Variants in PCDHGB5 observed in about 807,000 individuals in gnomAD.
PCDHGB5 encodes protocadherin gamma subfamily B, 5.
A neutral mutation model predicts 62.9 loss-of-function variants in PCDHGB5; 48 were observed. The ratio of observed to expected loss-of-function variants is 0.76; its 90% CI spans 0.61 to 0.97. The LOEUF is 0.97. Among genes scored for constraint, PCDHGB5 ranks in the 50% least tolerant of loss-of-function variants. The probability of loss-of-function intolerance (pLI) is 0.00; values close to 1 mark genes in which losing one functional copy is unlikely to be tolerated. For missense variants in PCDHGB5, 1,118 were observed against 1,198.6 expected (o/e 0.93, Z 0.99); for synonymous variants, 474 against 511.2 (o/e 0.93, Z 0.98).
At chr5:141,455,837 AT>A (rs2098833014) in intron 1 of PCDHGB5, among the ~76,000 whole-genome samples, 2 of 151,422 alleles carry the variant, frequency 1.3e-5, no homozygotes, top group African/African-American at 4.8e-5. Context: ...TTTCCTGTCT[AT>A]CTGCATAAAA....
intron 1 of PCDHGB5, among the ~76,000 whole-genome samples, chr5:141,434,819 A>G (rs2097719619): frequency 6.6e-6 from 1 of 151,946 alleles, no homozygotes; most frequent in Admixed American, 6.6e-5. Flanking sequence ...TATATCCCTT[A>G]GTACACTTGG....
At position 141,487,763 on chromosome 5, in the gene PCDHGB5, G is replaced by A; in HGVS notation, c.2398-7044G>A. ...AAGAGGTAACTATGTGGTAGACGCT[G>A]TGCTTTGTAACTGTTTCGTGAATTA... On this transcript the variant is annotated intron_variant, in intron 1 of 3. Coordinates refer to ENST00000617380, the MANE Select transcript of PCDHGB5 (RefSeq NM_018925.3). This position sits in a 1 kb window ranked among gnomAD's most constrained non-coding sequence, Gnocchi z 5.0. 6.5e-7 allele frequency: 1 copy of A among 1,544,968 alleles called. No homozygotes were observed. The highest frequency in any genetic ancestry group is 1.2e-5 in the South Asian group (1 of 83,382).
intron 3 of PCDHGB5, among the ~76,000 whole-genome samples, chr5:141,506,861 G>A (rs2099856791): frequency 6.6e-6 from 1 of 152,178 alleles, no homozygotes; most frequent in African/African-American, 2.4e-5. Context: ...TGGAGGACTG[G>A]TGGGTAGAGA....
rs2099669219 is a variant in PCDHGB5, at chr5:141,487,927, C to T, written c.2398-6880C>T. 3 of 626,498 alleles carry T rather than the reference C, an allele frequency of 4.8e-6. No homozygotes were observed. Among genetic ancestry groups the T allele is most frequent in the Admixed American group, 5.9e-5 (2 of 34,100 alleles). The allele number at this position is 626,498 out of a possible 1,614,324, so 38.8% of individuals were successfully genotyped here. On this transcript the variant is annotated intron_variant, in intron 1 of 3. Coordinates refer to ENST00000617380, the MANE Select transcript of PCDHGB5 (RefSeq NM_018925.3). The surrounding 1 kb of genome is among the most constrained non-coding windows in gnomAD (Gnocchi z 5.0). ...TGGGAGCACAGGAGGCTACAGTGCA[C>T]AGGGTACAGTGCACCAGGCAGTCAC...
intron 1 of PCDHGB5, chr5:141,484,876 A>T (rs1461505847): frequency 6.3e-6 from 2 of 315,126 alleles, no homozygotes; most frequent in Admixed American, 9.4e-5. Flanking sequence ...CGTGGAGGAT[A>T]GGGTGGGCTT....
At chr5:141,502,082 G>A (rs538827992) in intron 2 of PCDHGB5, among the ~76,000 whole-genome samples, 1 of 152,252 alleles carries the variant, frequency 6.6e-6, no homozygotes, top group Non-Finnish European at 1.5e-5. Flanking sequence ...ACCTGGGGCT[G>A]AGAACACCTG....
chr5:141,427,109 C>A lies in PCDHGB5; in HGVS notation c.2397+26585C>A, dbSNP rs141512367. On this transcript the variant is annotated intron_variant, in intron 1 of 3. Coordinates refer to ENST00000617380, the MANE Select transcript of PCDHGB5 (RefSeq NM_018925.3). ...AGGATGAGGGTGTCAATGCGGAGAT[C>A]ACCTACTCTTTCAAATCCCTACGAG... 1,737 of 457,784 alleles carry A rather than the reference C, an allele frequency of 3.8e-3. 17 individuals carry two copies. Among genetic ancestry groups the A allele is most frequent in the Admixed American group, 0.01 (426 of 42,600 alleles). 28.4% of individuals were successfully genotyped at this position (457,784 alleles called of 1,614,324 possible). A position where few individuals can be genotyped will look rare whatever the true frequency, so the allele number is the denominator to read the frequency against.
Position 141,453,270 on chromosome 5 carries a change from T to C in PCDHGB5, c.2398-41537T>C, listed in dbSNP as rs1592250907. 4.6e-5 allele frequency among the ~76,000 whole-genome samples: 7 copies of C among 152,146 alleles called. No homozygotes were observed. In the South Asian group the frequency reaches 1.5e-3, roughly 32 times the overall value. On this transcript the variant is annotated intron_variant, in intron 1 of 3. Transcript: ENST00000617380. The stretch of plus-strand genomic sequence containing the variant: ...CTGGGGCTGCAAGTGCACACCACCA[T>C]GACTGGCTAATTTTTTAATTATTTA...
chr5:141,422,470 T>C, intron 1 of PCDHGB5: 1 of 1,613,440 alleles, frequency 6.2e-7, no homozygotes, highest in Non-Finnish European at 8.5e-7. Flanking sequence ...GGACAGGGAG[T>C]TGGTCCAGAG....
intron 1 of PCDHGB5, chr5:141,427,278 A>G (rs981860450): frequency 2.2e-6 from 1 of 456,706 alleles, no homozygotes; most frequent in Non-Finnish European, 4.4e-6. Context: ...ATGTAAAATT[A>G]TACTAGAAAT....
intron 1 of PCDHGB5, among the ~76,000 whole-genome samples, chr5:141,474,773 G>T (rs1290099424): frequency 6.6e-6 from 1 of 152,182 alleles, no homozygotes; most frequent in East Asian, 1.9e-4. Flanking sequence ...ATAGTATGAG[G>T]CTCTAACACT....
At chr5:141,419,204 GC>G (rs2096344015) in intron 1 of PCDHGB5, 9 of 1,613,916 alleles carry the variant, frequency 5.6e-6, no homozygotes, top group Non-Finnish European at 7.6e-6. Context: ...CAATGACAAC[GC>G]GCCGGTTTTC....
chr5:141,419,258 C>G lies in PCDHGB5; in HGVS notation c.2397+18734C>G, dbSNP rs761740232. The G allele has an allele frequency of 2.5e-6, 4 of 1,614,028 alleles. No individual in the cohort carries two copies. The Admixed American group carries it at 6.7e-5, about 27-fold the overall frequency. ...GGTCCACGTGCCAGAAAACAACCAG[C>G]CGGGTGCCTCCATAGCGCAAGTCAG... On this transcript the variant is annotated intron_variant, in intron 1 of 3. Transcript: ENST00000617380.
chr5:141,461,438 T>C (rs1034260263), intron 1 of PCDHGB5, among the ~76,000 whole-genome samples: 3 of 152,200 alleles, frequency 2.0e-5, no homozygotes, highest in African/African-American at 7.2e-5. Flanking sequence ...GTATACCTTC[T>C]TTTGAGAAAT....
In PCDHGB5 at chr5:141,511,074, C is replaced by G; in HGVS notation, c.2673C>G (p.Ser891Arg). 1.2e-6 allele frequency: 2 copies of G among 1,614,238 alleles called. No homozygotes were observed. The highest frequency in any genetic ancestry group is 1.7e-6 in the Non-Finnish European group (2 of 1,180,040). ...GCCAGAATGTCTACATCCCAGGCAGCAATGCCACACTGACCAACGCAGCTG... is the reference window on the plus strand; with the variant it reads ...GCCAGAATGTCTACATCCCAGGCAGGAATGCCACACTGACCAACGCAGCTG... The part of the protein sequence containing the change: ...DYRQNVYIPG[S>R]NATLTNAAGK... Residue 891 changes from serine (S) to arginine (R), a missense_variant, in exon 4 of 4, where the codon AGC becomes AGG. Around this residue, in one of 2 missense-constraint regions of PCDHGB5, gnomAD observed 1,034 missense variants for 1,029.1 expected, o/e 1.00. Coordinates refer to ENST00000617380, the MANE Select transcript of PCDHGB5 (RefSeq NM_018925.3).
chr5:141,489,793 C>G lies in PCDHGB5; in HGVS notation c.2398-5014C>G. On this transcript the variant is annotated intron_variant, in intron 1 of 3. Transcript: ENST00000617380. This position sits in a 1 kb window ranked among gnomAD's most constrained non-coding sequence, Gnocchi z 4.5. ...CCACTTCTCTCTGAATGTGAAGACC[C>G]TAAAAGATGGGAAGCCATTCCCAGA... 1 of 1,614,160 alleles carries G rather than the reference C, an allele frequency of 6.2e-7. No individual in the cohort carries two copies. The highest frequency in any genetic ancestry group is 1.1e-5 in the South Asian group (1 of 91,078).
At chr5:141,414,161 GA>G (rs1351073953) in intron 1 of PCDHGB5, 1 of 1,603,276 alleles carries the variant, frequency 6.2e-7, no homozygotes, top group Admixed American at 1.7e-5. Context: ...GAAGATGGAG[GA>G]GCATATCTTG....
Position 141,399,355 on chromosome 5 carries a change from C to A in PCDHGB5, c.1228C>A (p.Gln410Lys), listed in dbSNP as rs1437917208. The A allele has an allele frequency of 6.2e-7, 1 of 1,614,006 alleles. No homozygotes were observed. The highest frequency in any genetic ancestry group is 1.1e-5 in the South Asian group (1 of 91,082). ...LVTDGTLDRE[Q>K]TPEYNVTITA... is the part of the protein sequence containing the mutation. ...AACAGATGGAACCCTAGACCGAGAG[C>A]AAACCCCGGAGTACAATGTCACCAT... The change falls in exon 1 of 4, where the codon CAA becomes AAA. Residue 410 changes from glutamine (Q) to lysine (K), a missense_variant. Around this residue, in one of 2 missense-constraint regions of PCDHGB5, gnomAD observed 1,034 missense variants for 1,029.1 expected, o/e 1.00. Transcript: ENST00000617380.
At chr5:141,446,621 C>T (rs1284919173) in intron 1 of PCDHGB5, among the ~76,000 whole-genome samples, 2 of 152,094 alleles carry the variant, frequency 1.3e-5, no homozygotes, top group Non-Finnish European at 2.9e-5. Flanking sequence ...GGACTACAGG[C>T]GTGCACCACC....
Sources: allele counts gnomAD v4.1 joint callset (sites outside exome capture counted in the v4.1 genomes callset), GRCh38; gene constraint gnomAD v4.1.1; regional missense constraint gnomAD v4.1.1; non-coding constraint Gnocchi (gnomAD v3.1); transcripts MANE v1.5; gene names NCBI Gene and HGNC (gene_info 2026-07-23, HGNC 2026-07-21).